Variants in FIGN observed in about 807,000 individuals in gnomAD.
The protein encoded by FIGN is fidgetin, microtubule severing factor, also known as fidgetin.
A neutral mutation model predicts 51.3 loss-of-function variants in FIGN; 11 were observed. The observed-to-expected ratio is 0.21, with a 90% confidence interval of 0.13 to 0.35. The LOEUF is 0.35. Among genes scored for constraint, FIGN ranks in the 10% least tolerant of loss-of-function variants. The pLI, the probability that FIGN is intolerant of heterozygous loss-of-function variation, is 1.00. For synonymous variants in FIGN, 407 were observed against 363.2 expected, an observed-to-expected ratio of 1.12 and a Z score of -1.37; for missense variants, 857 against 943.6, an observed-to-expected ratio of 0.91 and a Z score of 1.20.
chr2:163,688,602 G>A (rs1481571514), intron 2 of FIGN, among the ~76,000 whole-genome samples: 1 of 152,106 alleles, frequency 6.6e-6, no homozygotes, highest in Non-Finnish European at 1.5e-5. Flanking sequence ...TTTTAGAAGA[G>A]GAGTTTAAAC....
At chr2:163,661,417 A>G (rs1334714856) in intron 2 of FIGN, among the ~76,000 whole-genome samples, 1 of 150,704 alleles carries the variant, frequency 6.6e-6, no homozygotes, top group Non-Finnish European at 1.5e-5. Context: ...ATTTTTGTAG[A>G]TGGAGTTTCG....
intron 2 of FIGN, among the ~76,000 whole-genome samples, chr2:163,624,046 A>T (rs1009789664): frequency 7.7e-6 from 1 of 129,504 alleles, no homozygotes; most frequent in East Asian, 2.2e-4. Flanking sequence ...CTATTTGAGT[A>T]CTAATATTCA....
intron 2 of FIGN, among the ~76,000 whole-genome samples, chr2:163,697,705 C>T (rs764027150): frequency 1.5e-4 from 23 of 152,192 alleles, no homozygotes; most frequent in South Asian, 4.1e-4. Flanking sequence ...CACAACACAC[C>T]AGTTGGTCAT....
intron 2 of FIGN, among the ~76,000 whole-genome samples, chr2:163,705,903 G>A (rs1684492060): frequency 6.6e-6 from 1 of 152,034 alleles, no homozygotes. Flanking sequence ...ACTTACAAAT[G>A]ACTGCATTTT....
intron 2 of FIGN, among the ~76,000 whole-genome samples, chr2:163,731,455 C>T (rs574882077): frequency 5.7e-4 from 86 of 152,100 alleles, no homozygotes; most frequent in African/African-American, 2.0e-3. Context: ...GAAATTTCTG[C>T]ACTCTTGTAT....
chr2:163,678,498 G>A (rs1420848224), intron 2 of FIGN, among the ~76,000 whole-genome samples: 3 of 152,102 alleles, frequency 2.0e-5, no homozygotes, highest in African/African-American at 4.8e-5. Context: ...TGGGATTATA[G>A]GTGTGAGCCA....
At chr2:163,691,693 A>G (rs116451739) in intron 2 of FIGN, among the ~76,000 whole-genome samples, 4,156 of 152,278 alleles carry the variant, frequency 0.027, 83 homozygotes, top group Non-Finnish European at 0.044. Flanking sequence ...CATGTTACCT[A>G]CACTAAAATG....
intron 2 of FIGN, among the ~76,000 whole-genome samples, chr2:163,692,620 G>C (rs1391672669): frequency 1.3e-5 from 2 of 152,158 alleles, no homozygotes; most frequent in Middle Eastern, 3.2e-3. Context: ...GTCTATTCCT[G>C]AAAGGTAATA....
Position 163,606,332 on chromosome 2 carries a change from A to G in FIGN, c.*3220T>C, listed in dbSNP as rs919487769. The G allele has an allele frequency of 6.6e-6, 1 of 152,094 alleles. No individual in the cohort carries two copies. Among genetic ancestry groups the G allele is most frequent in the Admixed American group, 6.6e-5 (1 of 15,246 alleles). 9.4% of individuals were successfully genotyped at this position (152,094 alleles called of 1,614,324 possible). Reference sequence around the variant, plus strand: ...ATTATGAACTACCTCTTGAATTTCTATTGATCCCAATACTGAAGTGGTTTC... The same window carrying G: ...ATTATGAACTACCTCTTGAATTTCTGTTGATCCCAATACTGAAGTGGTTTC... On this transcript the variant is annotated 3_prime_UTR_variant, in exon 3 of 3. Coordinates refer to ENST00000333129, the MANE Select transcript of FIGN (RefSeq NM_018086.4).
chr2:163,631,361 G>T (rs945736698), intron 2 of FIGN, among the ~76,000 whole-genome samples: 4 of 152,158 alleles, frequency 2.6e-5, no homozygotes, highest in Non-Finnish European at 5.9e-5. Flanking sequence ...TGGATGATGC[G>T]AACTTTGTTC....
chr2:163,629,635 T>C (rs1464810948), intron 2 of FIGN, among the ~76,000 whole-genome samples: 3 of 152,116 alleles, frequency 2.0e-5, no homozygotes, highest in Non-Finnish European at 2.9e-5. Flanking sequence ...AAAGTTGTAT[T>C]GGAACACAGC....
intron 2 of FIGN, among the ~76,000 whole-genome samples, chr2:163,650,016 A>T (rs534641401): frequency 6.6e-6 from 1 of 152,184 alleles, no homozygotes; most frequent in African/African-American, 2.4e-5. Flanking sequence ...CACAGCCTAG[A>T]TGCGCTCATC....
chr2:163,644,445 G>A (rs963957900), intron 2 of FIGN, among the ~76,000 whole-genome samples: 2 of 152,142 alleles, frequency 1.3e-5, no homozygotes, highest in Admixed American at 1.3e-4. Context: ...TTGTTGATGA[G>A]GATGTGGCAA....
intron 2 of FIGN, among the ~76,000 whole-genome samples, chr2:163,687,748 T>C (rs1357712430): frequency 6.6e-6 from 1 of 152,226 alleles, no homozygotes; most frequent in East Asian, 1.9e-4. Context: ...ATCCTAATGC[T>C]AATTCATTTT....
chr2:163,616,229 A>G (rs1242344189), intron 2 of FIGN, among the ~76,000 whole-genome samples: 1 of 152,234 alleles, frequency 6.6e-6, no homozygotes, highest in Non-Finnish European at 1.5e-5. Flanking sequence ...GAAACAAAAC[A>G]ACTATAGCAT....
chr2:163,674,829 A>G (rs1447468966), intron 2 of FIGN, among the ~76,000 whole-genome samples: 1 of 152,178 alleles, frequency 6.6e-6, no homozygotes, highest in Non-Finnish European at 1.5e-5. Flanking sequence ...ACAAAAAAAA[A>G]ATAGTAAGAG....
intron 2 of FIGN, among the ~76,000 whole-genome samples, chr2:163,668,020 C>T (rs1451690024): frequency 6.7e-6 from 1 of 149,434 alleles, no homozygotes; most frequent in Non-Finnish European, 1.5e-5. Flanking sequence ...TCCAACCCCC[C>T]CCCCCAAAAA....
intron 2 of FIGN, among the ~76,000 whole-genome samples, chr2:163,668,022 C>CG (rs965050477): frequency 2.0e-5 from 3 of 149,466 alleles, no homozygotes; most frequent in African/African-American, 7.5e-5. Context: ...CAACCCCCCC[C>CG]CCCAAAAAAC....
intron 2 of FIGN, among the ~76,000 whole-genome samples, chr2:163,671,774 A>G (rs900022934): frequency 6.6e-6 from 1 of 152,200 alleles, no homozygotes; most frequent in Non-Finnish European, 1.5e-5. Context: ...ACAGCTTCTG[A>G]TTCACATTAA....
Sources: allele counts gnomAD v4.1 joint callset (sites outside exome capture counted in the v4.1 genomes callset), GRCh38; gene constraint gnomAD v4.1.1; transcripts MANE v1.5; gene names NCBI Gene and HGNC (gene_info 2026-07-23, HGNC 2026-07-21).